Variants in LRCH4 observed in about 807,000 individuals in gnomAD.
LRCH4 encodes the protein leucine rich repeats and calponin homology domain containing 4.
LRCH4 carries 56 observed loss-of-function variants against 81.2 expected under a neutral mutation model. The observed-to-expected ratio is 0.69, with a 90% CI of 0.56 to 0.86. The LOEUF is 0.86. LRCH4 is among the 40% of genes least tolerant of loss of function. The pLI, the probability that LRCH4 is intolerant of heterozygous loss-of-function variation, is 0.00. For synonymous variants in LRCH4, 442 were observed against 409.7 expected (o/e 1.08, Z -0.95); for missense variants, 895 against 922.8 (o/e 0.97, Z 0.39).
chr7:100,583,426 C>T lies in LRCH4; in HGVS notation c.221-967G>A, dbSNP rs1400186131. On this transcript the variant is annotated intron_variant, in intron 1 of 17. Coordinates refer to ENST00000310300, the MANE Select transcript of LRCH4 (RefSeq NM_002319.5). The surrounding 1 kb of genome is among the most constrained non-coding windows in gnomAD (Gnocchi z 4.3). ...CTGGAGAAGCCTGCCTTTCTGTTTC[C>T]TCGGCCCAGCCTGTCCTGGGAGGGG... is the stretch of plus-strand genomic sequence containing the variant. Among the ~76,000 whole-genome samples the T allele has an allele frequency of 2.6e-5, 4 of 152,192 alleles. No homozygotes were observed. Among genetic ancestry groups the T allele is most frequent in the East Asian group, 3.9e-4 (2 of 5,184 alleles).
At position 100,581,865 on chromosome 7, in the gene LRCH4, C is replaced by G. The variant is rs776954148; in HGVS notation, c.510G>C (p.Glu170Asp). 3 of 1,614,174 alleles carry G rather than the reference C, an allele frequency of 1.9e-6. No homozygotes were observed. The highest frequency in any genetic ancestry group is 2.5e-6 in the Non-Finnish European group (3 of 1,180,026). ...SLRQLDVSSN[E>D]LQSLPSELCG... is the part of the protein sequence containing the mutation. ...ACAGTTCCGAGGGCAGGGATTGGAG[C>G]TCGTTGCTGCTCACGTCCTGGTATC... Residue 170 changes from glutamate (E) to aspartate (D), a missense_variant, in exon 4 of 18, where the codon GAG (glutamate) becomes GAC (aspartate). By Grantham distance (45) the Glu-to-Asp change is conservative (BLOSUM62 2). This residue lies in a region of LRCH4 where 360 missense variants were observed against 397.0 expected (regional missense o/e 0.91). Transcript: ENST00000310300.
chr7:100,576,965 C>T lies in LRCH4; in HGVS notation c.1405G>A (p.Ala469Thr). ...KSSASQAGAA[A>T]GQGAPAPAPA... ...GCAGGGGCGGGGGCTCCCTGCCCCG[C>T]TGCAGCCCCTGCTTGGGAGGCACTG... is the stretch of plus-strand genomic sequence containing the variant. Residue 469 changes from alanine (A) to threonine (T), a missense_variant, in exon 13 of 18, where the codon GCG (alanine) becomes ACG (threonine). Ala to Thr is a moderately conservative substitution (Grantham distance 58). Transcript: ENST00000310300. The T allele has an allele frequency of 6.3e-7, 1 of 1,595,128 alleles. No individual in the cohort carries two copies. The highest frequency in any genetic ancestry group is 8.6e-7 in the Non-Finnish European group (1 of 1,168,404).
rs73156209 is a variant in LRCH4 at position 100,582,845 on chromosome 7, G to A, written c.221-386C>T. On this transcript the variant is annotated intron_variant, in intron 1 of 17. Coordinates refer to ENST00000310300, the MANE Select transcript of LRCH4 (RefSeq NM_002319.5). This position sits in a 1 kb window ranked among gnomAD's most constrained non-coding sequence, Gnocchi z 5.0. ...AGTGCTCATGGGAAAACAGTAAGGC[G>A]AGGGGCTGGGGGGCTCCCGGAGGGA... Among the ~76,000 whole-genome samples, 119 of 152,316 alleles carry A rather than the reference G, an allele frequency of 7.8e-4. No homozygotes were observed. The highest frequency in any genetic ancestry group is 1.2e-3 in the Non-Finnish European group (81 of 68,024).
Position 100,575,678 on chromosome 7 carries a change from C to A in LRCH4, c.1854+27G>T, listed in dbSNP as rs1801331718. On this transcript the variant is annotated intron_variant, in intron 17 of 17. Transcript: ENST00000310300. The surrounding 1 kb of genome is among the most constrained non-coding windows in gnomAD (Gnocchi z 5.3). ...ATGCTCGGCTGAGTCCGGCATGCCA[C>A]CACTCTTTAGAAAGCAGCCCCCATA... 1 of 1,613,252 alleles carries A rather than the reference C, an allele frequency of 6.2e-7. No homozygotes were observed. Among genetic ancestry groups the A allele is most frequent in the Admixed American group, 1.7e-5 (1 of 60,022 alleles).
chr7:100,580,282 CCT>C (rs1801486517), intron 4 of LRCH4: 1 of 152,184 alleles, frequency 6.6e-6, no homozygotes, highest in African/African-American at 2.4e-5. Context: ...TGGGGAACCC[CCT>C]GACGGAACTT....
Position 100,578,674 on chromosome 7 carries a change from G to T in LRCH4, c.711C>A (p.Asn237Lys). ...CCTGGGCAGGTGGACTCTGCAGAGG[G>T]TTGCTGTCCAGCAGAATGACCTGCA... is the stretch of plus-strand genomic sequence containing the variant. Reference protein sequence around the residue: ...RHLQVILLDSNPLQSPPAQVC... With the variant: ...RHLQVILLDSKPLQSPPAQVC... Residue 237 changes from asparagine to lysine, a missense_variant, in exon 5 of 18, where the codon AAC becomes AAA. By Grantham distance (94) the Asn-to-Lys change is moderately conservative. This residue lies in a region of LRCH4 where 360 missense variants were observed against 397.0 expected (regional missense o/e 0.91). Coordinates refer to ENST00000310300, the MANE Select transcript of LRCH4 (RefSeq NM_002319.5). The surrounding 1 kb of genome is among the most constrained non-coding windows in gnomAD (Gnocchi z 5.7). 6.2e-7 allele frequency: 1 copy of T among 1,614,178 alleles called. No homozygotes were observed. Among genetic ancestry groups the T allele is most frequent in the Non-Finnish European group, 8.5e-7 (1 of 1,180,004 alleles).
rs181648905 is a variant in LRCH4 at position 100,575,438 on chromosome 7, G to A, written c.1855-134C>T. The A allele has an allele frequency of 3.3e-6, 3 of 917,164 alleles. No individual in the cohort carries two copies. The highest frequency in any genetic ancestry group is 3.4e-6 in the Non-Finnish European group (2 of 584,680). 56.8% of individuals were successfully genotyped at this position (917,164 alleles called of 1,614,324 possible). A position where few individuals can be genotyped will look rare whatever the true frequency, so the allele number is the denominator to read the frequency against. ...CACATGCTGACGTGCTGGGCAGGGG[G>A]AGTGCAGTGCAGGAGGAGTGCAGGG... On this transcript the variant is annotated intron_variant, in intron 17 of 17. Transcript: ENST00000310300. This position sits in a 1 kb window ranked among gnomAD's most constrained non-coding sequence, Gnocchi z 5.3.
chr7:100,578,473 C>T lies in LRCH4; in HGVS notation c.774G>A (p.Leu258=). 6.2e-7 allele frequency: 1 copy of T among 1,614,064 alleles called. No individual in the cohort carries two copies. The change falls in exon 6 of 18, where the codon TTG becomes TTA. Residue 258 remains leucine, a synonymous_variant. Coordinates refer to ENST00000310300, the MANE Select transcript of LRCH4 (RefSeq NM_002319.5). This position sits in a 1 kb window ranked among gnomAD's most constrained non-coding sequence, Gnocchi z 5.7. ...ACCCACGCTGCCCGGCCTCTGTGGA[C>T]AAATACTTGAAGATGTGAAGTTTCC... ...LKGKLHIFKY[L]STEAGQRGSA... is the part of the protein sequence containing the mutation.
Position 100,585,960 on chromosome 7 carries a change from C to T in LRCH4, c.141G>A (p.Leu47=). 1 of 1,612,620 alleles carries T rather than the reference C, an allele frequency of 6.2e-7. No individual in the cohort carries two copies. Among genetic ancestry groups the T allele is most frequent in the Admixed American group, 1.7e-5 (1 of 59,984 alleles). Residue 47 remains leucine, a synonymous_variant, in exon 1 of 18, where the codon CTG becomes CTA. Transcript: ENST00000310300. Reference sequence around the variant, plus strand: ...GCTTCAAGCGCCGGTTAGACAGGTTCAGGGTCCCGGTGGCCACGGCCTCCT... The same window carrying T: ...GCTTCAAGCGCCGGTTAGACAGGTTTAGGGTCCCGGTGGCCACGGCCTCCT... ...ALEEAVATGT[L]NLSNRRLKHF... is the part of the protein sequence containing the mutation.
rs539637465 is a variant in LRCH4 at position 100,578,762 on chromosome 7, C to A, written c.623G>T (p.Arg208Leu). 5.0e-6 allele frequency: 8 copies of A among 1,613,746 alleles called. No individual in the cohort carries two copies. Among genetic ancestry groups the A allele is most frequent in the South Asian group, 1.1e-5 (1 of 91,044 alleles). Residue 208 changes from arginine (R) to leucine (L), a missense_variant, in exon 5 of 18, where the codon CGC becomes CTC. By Grantham distance (102) the Arg-to-Leu change is moderately radical (BLOSUM62 -2). Coordinates refer to ENST00000310300, the MANE Select transcript of LRCH4 (RefSeq NM_002319.5). This position sits in a 1 kb window ranked among gnomAD's most constrained non-coding sequence, Gnocchi z 5.7. ...PEELGDLPLV[R>L]LDFSCNRVSR... ...GACGCGGTTACAGGAGAAATCCAGG[C>A]GGACCAGAGGGAGGTCCCCCAGCTC...
In LRCH4 at chr7:100,575,723, T is replaced by C. The variant is rs762052087; in HGVS notation, c.1836A>G (p.Arg612=). 1 of 1,613,996 alleles carries C rather than the reference T, an allele frequency of 6.2e-7. No individual in the cohort carries two copies. The highest frequency in any genetic ancestry group is 1.3e-5 in the African/African-American group (1 of 75,040). The part of the protein sequence containing the change: ...KNVESFLEAC[R]KMGVPEADLC... ...CCCATACCTCAGGCACCCCCATTTT[T>C]CGACAGGCTTCTAGAAAACTCTCCA... Residue 612 remains arginine, a synonymous_variant, in exon 17 of 18, where the codon CGA becomes CGG. Transcript: ENST00000310300. This position sits in a 1 kb window ranked among gnomAD's most constrained non-coding sequence, Gnocchi z 5.3.
intron 14 of LRCH4, 100 bp downstream of exon 14, chr7:100,576,594 A>T: frequency 9.7e-7 from 1 of 1,034,522 alleles, no homozygotes. Context: ...CAAAGGTACA[A>T]AAGGTACAAC....
Position 100,586,092 on chromosome 7 carries a change from C to G in LRCH4, c.9G>C (p.Ala3=), listed in dbSNP as rs1801738654. 1.2e-5 allele frequency: 19 copies of G among 1,523,632 alleles called. No homozygotes were observed. Among genetic ancestry groups the G allele is most frequent in the Non-Finnish European group, 1.6e-5 (18 of 1,132,144 alleles). The allele number at this position is 1,523,632 out of a possible 1,614,324, so 94.4% of individuals were successfully genotyped here. MA[A]AVAAPLAAGG... Reference sequence around the variant, plus strand: ...CGGCGGCGAGTGGAGCCGCTACGGCCGCCGCCATCCGCTCCCGGCGGCTCC... The same window carrying G: ...CGGCGGCGAGTGGAGCCGCTACGGCGGCCGCCATCCGCTCCCGGCGGCTCC... Residue 3 remains alanine (A), a synonymous_variant, in exon 1 of 18, where the codon GCG becomes GCC. Coordinates refer to ENST00000310300, the MANE Select transcript of LRCH4 (RefSeq NM_002319.5).
At position 100,574,856 on chromosome 7, in the gene LRCH4, G is replaced by GCCTGTGCCTTCATCTGAGAGCAGACATCC; in HGVS notation, c.*250_*251insGGATGTCTGCTCTCAGATGAAGGCACAGG. On this transcript the variant is annotated 3_prime_UTR_variant, in exon 18 of 18. Transcript: ENST00000310300. Reference sequence around the variant, plus strand: ...TCACGGGGTACAGAGGGCAGGGGCAGGGCCGGCGGGGACATGAAGGCACCG... The same window carrying GCCTGTGCCTTCATCTGAGAGCAGACATCC: ...TCACGGGGTACAGAGGGCAGGGGCAGCCTGTGCCTTCATCTGAGAGCAGACATCCGGCCGGCGGGGACATGAAGGCACCG... The GCCTGTGCCTTCATCTGAGAGCAGACATCC allele has an allele frequency of 2.2e-6, 1 of 454,350 alleles. No homozygotes were observed. The highest frequency in any genetic ancestry group is 4.0e-5 in the South Asian group (1 of 24,800). 28.1% of individuals were successfully genotyped at this position (454,350 alleles called of 1,614,324 possible). A position where few individuals can be genotyped will look rare whatever the true frequency, so the allele number is the denominator to read the frequency against.
At position 100,586,027 on chromosome 7, in the gene LRCH4, G is replaced by A. The variant is rs377121985; in HGVS notation, c.74C>T (p.Ser25Phe). Residue 25 changes from serine (S) to phenylalanine (F), a missense_variant, in exon 1 of 18, where the codon TCT becomes TTT. By Grantham distance (155) the Ser-to-Phe change is radical (BLOSUM62 -2). Transcript: ENST00000310300. ...ACTGCGTCTCCCCGGCAGACCTGGA[G>A]ACCCGGGCACGGAGGTCGTGGCTGC... ...EAAATTSVPG[S>F]PGLPGRRSAE... 3 of 1,602,944 alleles carry A rather than the reference G, an allele frequency of 1.9e-6. No individual in the cohort carries two copies. Among genetic ancestry groups the A allele is most frequent in the African/African-American group, 1.3e-5 (1 of 74,440 alleles).
At position 100,574,630 on chromosome 7, in the gene LRCH4, G is replaced by GCGCA. The variant is rs1554348439; in HGVS notation, c.*473_*476dup. 2 of 139,884 alleles carry GCGCA rather than the reference G, an allele frequency of 1.4e-5. No individual in the cohort carries two copies. The highest frequency in any genetic ancestry group is 1.4e-4 in the Admixed American group (2 of 14,436). The allele number at this position is 139,884 out of a possible 1,614,324, so 8.7% of individuals were successfully genotyped here. On this transcript the variant is annotated 3_prime_UTR_variant, in exon 18 of 18. Transcript: ENST00000310300. ...ACACGCGGAGCAGACGCGCGCGCGC[G>GCGCA]CGCACACACACACACACAGGCAGGG...
chr7:100,581,550 G>C (rs1470962980), intron 4 of LRCH4: 2 of 475,982 alleles, frequency 4.2e-6, no homozygotes, highest in Non-Finnish European at 7.5e-6. Context: ...TCTGCTCTCC[G>C]CCATCGGAGA....
rs975752731 is a variant in LRCH4 at position 100,585,914 on chromosome 7, G to A, written c.187C>T (p.Arg63Cys). The change falls in exon 1 of 18, where the codon CGT (arginine) becomes TGT (cysteine). Residue 63 changes from arginine to cysteine, a missense_variant. Arg to Cys is a radical substitution (Grantham distance 180). Around this residue, in one of 3 missense-constraint regions of LRCH4, gnomAD observed 360 missense variants for 397.0 expected, o/e 0.91. Coordinates refer to ENST00000310300, the MANE Select transcript of LRCH4 (RefSeq NM_002319.5). ...GTGATGTCTGACAGGTCGTAGCTACGGGCCGCGCCCCGGGGGAAGTGCTTC... is the reference window on the plus strand; with the variant it reads ...GTGATGTCTGACAGGTCGTAGCTACAGGCCGCGCCCCGGGGGAAGTGCTTC... The part of the protein sequence containing the change: ...RLKHFPRGAA[R>C]SYDLSDITQA... 5.6e-6 allele frequency: 9 copies of A among 1,611,204 alleles called. No homozygotes were observed. Among genetic ancestry groups the A allele is most frequent in the Admixed American group, 3.3e-5 (2 of 59,914 alleles).
chr7:100,582,468 A>G lies in LRCH4; in HGVS notation c.221-9T>C, dbSNP rs1280460989. 6.2e-7 allele frequency: 1 copy of G among 1,604,760 alleles called. No homozygotes were observed. Among genetic ancestry groups the G allele is most frequent in the Non-Finnish European group, 8.5e-7 (1 of 1,179,654 alleles). On this transcript the variant is annotated splice_polypyrimidine_tract_variant and intron_variant, in intron 1 of 17. Transcript: ENST00000310300. This position sits in a 1 kb window ranked among gnomAD's most constrained non-coding sequence, Gnocchi z 5.0. Reference sequence around the variant, plus strand: ...CCGGTTCCGGGACAGGTCTGGGGAAAAGGAGGTGTCGGGGAGAGTTGCGGA... The same window carrying G: ...CCGGTTCCGGGACAGGTCTGGGGAAGAGGAGGTGTCGGGGAGAGTTGCGGA...
Sources: gnomAD v4.1 joint callset for allele counts (sites outside exome capture counted in the v4.1 genomes callset) on GRCh38, gnomAD v4.1.1 for gene constraint, gnomAD v4.1.1 regional missense constraint, Gnocchi (gnomAD v3.1) non-coding constraint, MANE v1.5 for transcripts, NCBI Gene and HGNC (gene_info 2026-07-23, HGNC 2026-07-21) for gene names.